Variants in XRCC4 observed in about 807,000 individuals in gnomAD.
The protein encoded by XRCC4 is DNA repair protein XRCC4.
Under a neutral mutation model 39.1 loss-of-function variants are expected in XRCC4, and 28 were observed. That is an observed-to-expected ratio of 0.72 (90% CI 0.53 to 0.98). XRCC4 has a LOEUF of 0.98. Ranked by LOEUF, XRCC4 falls within the 50% of genes least tolerant of loss-of-function variation. The pLI is 0.00. For missense variants in XRCC4, 350 were observed against 376.4 expected (o/e 0.93, Z 0.58); for synonymous variants, 123 against 126.4 (o/e 0.97, Z 0.18).
the XRCC4 span, among the ~76,000 whole-genome samples, chr5:83,363,188 T>A: frequency 6.6e-6 from 1 of 152,108 alleles, no homozygotes; most frequent in Non-Finnish European, 1.5e-5. Context: ...AGGAGATAGA[T>A]GAAGTTTGAG....
intron 7 of XRCC4, among the ~76,000 whole-genome samples, chr5:83,278,411 C>T (rs1240005742): frequency 6.6e-6 from 1 of 152,074 alleles, no homozygotes; most frequent in Non-Finnish European, 1.5e-5. Flanking sequence ...TAATAAAACA[C>T]CACAGTCTGG....
chr5:83,264,615 A>G (rs967405976), intron 7 of XRCC4, among the ~76,000 whole-genome samples: 7 of 151,918 alleles, frequency 4.6e-5, no homozygotes, highest in Non-Finnish European at 7.4e-5. Context: ...TCGTAATCCC[A>G]CCCACCTGGA....
At chr5:83,269,422 G>T (rs1240403857) in intron 7 of XRCC4, among the ~76,000 whole-genome samples, 1 of 150,816 alleles carries the variant, frequency 6.6e-6, no homozygotes, top group Non-Finnish European at 1.5e-5. Context: ...GCCAATTGGT[G>T]TAATAGTTCC....
At chr5:83,227,991 T>C (rs1004586873) in intron 6 of XRCC4, among the ~76,000 whole-genome samples, 3 of 152,006 alleles carry the variant, frequency 2.0e-5, no homozygotes, top group African/African-American at 7.2e-5. Flanking sequence ...AAAATGGTTT[T>C]CTTTAAGGGG....
intron 7 of XRCC4, among the ~76,000 whole-genome samples, chr5:83,349,321 A>G (rs1431495088): frequency 6.6e-6 from 1 of 152,042 alleles, no homozygotes; most frequent in Non-Finnish European, 1.5e-5. Flanking sequence ...AAGCCAAACC[A>G]TATCAACATT....
intron 2 of XRCC4, among the ~76,000 whole-genome samples, chr5:83,105,921 G>A (rs1400700711): frequency 6.6e-6 from 1 of 152,020 alleles, no homozygotes; most frequent in East Asian, 1.9e-4. Flanking sequence ...ACAATACATT[G>A]TAAAATTTTG....
At chr5:83,159,459 G>A (rs1749105128) in intron 3 of XRCC4, among the ~76,000 whole-genome samples, 1 of 152,118 alleles carries the variant, frequency 6.6e-6, no homozygotes, top group Non-Finnish European at 1.5e-5. Context: ...CATAGTGAAA[G>A]GAGAAATGTT....
chr5:83,106,503 G>A (rs1746205060), intron 2 of XRCC4, among the ~76,000 whole-genome samples: 2 of 151,860 alleles, frequency 1.3e-5, no homozygotes, highest in African/African-American at 4.8e-5. Flanking sequence ...TTCTAATCTA[G>A]TCCATAAGCC....
At chr5:83,169,248 T>C (rs1749620235) in intron 3 of XRCC4, among the ~76,000 whole-genome samples, 1 of 152,206 alleles carries the variant, frequency 6.6e-6, no homozygotes, top group Non-Finnish European at 1.5e-5. Context: ...TTAAATATTA[T>C]ATTTCCTTTT....
At chr5:83,350,429 T>G (rs1757044597) in intron 7 of XRCC4, among the ~76,000 whole-genome samples, 1 of 152,198 alleles carries the variant, frequency 6.6e-6, no homozygotes, top group Non-Finnish European at 1.5e-5. Context: ...CAGCATATAT[T>G]ATTATTTGAC....
intron 4 of XRCC4, among the ~76,000 whole-genome samples, chr5:83,202,380 G>C (rs1343120602): frequency 6.6e-6 from 1 of 152,126 alleles, no homozygotes; most frequent in Non-Finnish European, 1.5e-5. Flanking sequence ...CACATCTTTG[G>C]CAAAGACTGT....
At chr5:83,088,647 T>C (rs1745287489) in intron 1 of XRCC4, among the ~76,000 whole-genome samples, 1 of 152,250 alleles carries the variant, frequency 6.6e-6, no homozygotes, top group African/African-American at 2.4e-5. Context: ...ATTAATTCTT[T>C]TGGGGAAGTG....
intron 6 of XRCC4, among the ~76,000 whole-genome samples, chr5:83,214,102 A>G (rs757989180): frequency 7.9e-5 from 12 of 152,210 alleles, no homozygotes; most frequent in Non-Finnish European, 1.3e-4. Context: ...GCTGTCACAT[A>G]CTTAATGGTG....
intron 7 of XRCC4, among the ~76,000 whole-genome samples, chr5:83,339,601 A>G (rs1247995717): frequency 6.6e-6 from 1 of 152,122 alleles, no homozygotes; most frequent in Non-Finnish European, 1.5e-5. Context: ...CATTCTGCAC[A>G]TGTAACCCAG....
At chr5:83,296,204 C>T (rs1201787090) in intron 7 of XRCC4, among the ~76,000 whole-genome samples, 1 of 152,072 alleles carries the variant, frequency 6.6e-6, no homozygotes, top group Non-Finnish European at 1.5e-5. Context: ...TTGAGTTTGA[C>T]TTTATTTGAT....
intron 3 of XRCC4, among the ~76,000 whole-genome samples, chr5:83,188,586 T>C (rs77500891): frequency 0.015 from 2,207 of 152,126 alleles, 63 homozygotes; most frequent in African/African-American, 0.051. Context: ...TGCCAGTGTC[T>C]GTTCCTGCTG....
Position 83,144,556 on chromosome 5 carries a change from C to T in XRCC4, c.315+33353C>T, listed in dbSNP as rs1255545732. On this transcript the variant is annotated intron_variant, in intron 3 of 7. Transcript: ENST00000396027. ...TTGTTTGTTTTGTGTCTCCCCACCC[C>T]CCCCCCCCCACCCCCACGGATTGGC... 3.9e-3 allele frequency among the ~76,000 whole-genome samples: 298 copies of T among 77,178 alleles called. 4 individuals are homozygous for T. Among genetic ancestry groups the T allele is most frequent in the African/African-American group, 0.016 (285 of 17,774 alleles). 50.6% of individuals were successfully genotyped at this position (77,178 alleles called of 152,430 possible).
At chr5:83,082,285 A>T (rs1296697013) in intron 1 of XRCC4, among the ~76,000 whole-genome samples, 3 of 152,212 alleles carry the variant, frequency 2.0e-5, no homozygotes, top group Admixed American at 6.5e-5. Flanking sequence ...TCTAAATGCA[A>T]TATGTTATGC....
Position 83,195,937 on chromosome 5 carries a change from GTGTGTACACAGTT to G in XRCC4, c.482+4_482+16del. The G allele has an allele frequency of 6.3e-7, 1 of 1,594,788 alleles. No individual in the cohort carries two copies. Among genetic ancestry groups the G allele is most frequent in the Admixed American group, 1.7e-5 (1 of 57,636 alleles). ...GAGATTGGAATGATGTTCAAGGACG[GTGTGTACACAGTT>G]TGCTTGTGGTATAAAAATACGGAGC... On this transcript the variant is annotated splice_donor_variant and splice_donor_5th_base_variant and intron_variant, in intron 4 of 7. Transcript: ENST00000396027. LOFTEE classifies it high-confidence loss of function.
Sources: allele counts gnomAD v4.1 joint callset (sites outside exome capture counted in the v4.1 genomes callset), GRCh38; gene constraint gnomAD v4.1.1; transcripts MANE v1.5; gene names NCBI Gene and HGNC (gene_info 2026-07-23, HGNC 2026-07-21).